MAGI1: variants seen among roughly 807,000 people sequenced by gnomAD.
MAGI1 encodes membrane-associated guanylate kinase, WW and PDZ domain-containing protein 1.
Under a neutral mutation model 139.9 loss-of-function variants are expected in MAGI1, and 58 were observed. That is an observed-to-expected ratio of 0.41 (90% CI 0.34 to 0.52). MAGI1 has a LOEUF of 0.52. Ranked by LOEUF, MAGI1 falls within the 20% of genes least tolerant of loss-of-function variation. The pLI is 0.12. For missense variants in MAGI1, 1,874 were observed against 1,901.6 expected, an observed-to-expected ratio of 0.99 and a Z score of 0.27; for synonymous variants, 812 against 737.9, an observed-to-expected ratio of 1.10 and a Z score of -1.63.
intron 2 of MAGI1, among the ~76,000 whole-genome samples, chr3:65,586,584 T>G (rs1399324677): frequency 6.6e-6 from 1 of 152,108 alleles, no homozygotes; most frequent in East Asian, 1.9e-4. Flanking sequence ...CAAATGTGAT[T>G]TGAATGACAG....
At chr3:65,787,880 T>G (rs2039505043) in intron 1 of MAGI1, among the ~76,000 whole-genome samples, 1 of 152,058 alleles carries the variant, frequency 6.6e-6, no homozygotes, top group African/African-American at 2.4e-5. Flanking sequence ...GTTCAAGAAG[T>G]AAGAGAGAGC....
rs200807086 is a variant in MAGI1, at chr3:65,493,597, A to T, written c.465T>A (p.Pro155=). The T allele has an allele frequency of 3.1e-6, 5 of 1,614,200 alleles. No homozygotes were observed. In the East Asian group the frequency reaches 8.9e-5, roughly 29 times the overall value. The change falls in exon 3 of 23, where the codon CCT becomes CCA. Residue 155 remains proline (P), a synonymous_variant. Coordinates refer to ENST00000402939, the MANE Select transcript of MAGI1 (RefSeq NM_001033057.2). ...CAGTCAGAAAGTTATAGTCCACGCC[A>T]GGCACTTCTCCTTCTCTGGGAGATC... The part of the protein sequence containing the change: ...TTRSPREGEV[P]GVDYNFLTVK...
chr3:65,791,231 T>G lies in MAGI1; in HGVS notation c.314-169143A>C, dbSNP rs2039748373. On this transcript the variant is annotated intron_variant, in intron 1 of 22. Coordinates refer to ENST00000402939, the MANE Select transcript of MAGI1 (RefSeq NM_001033057.2). ...GCCAATGACTGGTGCAGACCCAGCC[T>G]GCGTGGGAAGAACACACACTCTCCT... Among the ~76,000 whole-genome samples the G allele has an allele frequency of 3.3e-5, 5 of 152,160 alleles. No homozygotes were observed. The South Asian group carries it at 8.3e-4, about 25-fold the overall frequency.
chr3:65,631,630 G>A (rs2084308188), intron 1 of MAGI1, among the ~76,000 whole-genome samples: 4 of 152,142 alleles, frequency 2.6e-5, no homozygotes, highest in Admixed American at 2.6e-4. Context: ...CCTCCAGAAA[G>A]ATCATATTAG....
chr3:65,765,243 T>C (rs561663558), intron 1 of MAGI1, among the ~76,000 whole-genome samples: 1 of 152,282 alleles, frequency 6.6e-6, no homozygotes, highest in African/African-American at 2.4e-5. Flanking sequence ...GAATCCTACT[T>C]ATAGGTCTGG....
intron 2 of MAGI1, among the ~76,000 whole-genome samples, chr3:65,518,534 C>T (rs2107790296): frequency 6.6e-6 from 1 of 152,256 alleles, no homozygotes; most frequent in East Asian, 1.9e-4. Context: ...TAGTAGTGAT[C>T]TCAGTGGGAT....
intron 1 of MAGI1, among the ~76,000 whole-genome samples, chr3:65,963,151 T>C (rs1219955824): frequency 1.0e-5 from 1 of 95,648 alleles, no homozygotes; most frequent in Non-Finnish European, 2.1e-5. Flanking sequence ...GCCAACACAG[T>C]GGGGAAAAAA....
intron 12 of MAGI1, among the ~76,000 whole-genome samples, chr3:65,408,296 C>G (rs531118953): frequency 3.0e-4 from 45 of 152,298 alleles, no homozygotes; most frequent in African/African-American, 1.1e-3. Flanking sequence ...GCATTGCTTA[C>G]TTCGCCTTCT....
intron 10 of MAGI1, 62 bp from the exon 11 acceptor site, chr3:65,430,943 G>T: frequency 1.4e-6 from 2 of 1,475,168 alleles, no homozygotes; most frequent in South Asian, 2.3e-5. Context: ...AATTAAACAA[G>T]ATTTGAGACA....
chr3:66,008,087 G>A (rs2067127849), intron 1 of MAGI1, among the ~76,000 whole-genome samples: 1 of 151,922 alleles, frequency 6.6e-6, no homozygotes, highest in Non-Finnish European at 1.5e-5. Flanking sequence ...AGTACAGATG[G>A]GGTTCCACCA....
At chr3:65,488,850 T>C (rs1165956920) in intron 3 of MAGI1, among the ~76,000 whole-genome samples, 1 of 151,522 alleles carries the variant, frequency 6.6e-6, no homozygotes, top group Non-Finnish European at 1.5e-5. Context: ...TTTTGTATTT[T>C]TTTATAGAGA....
At chr3:65,909,182 C>T (rs987574217) in intron 1 of MAGI1, among the ~76,000 whole-genome samples, 4 of 152,098 alleles carry the variant, frequency 2.6e-5, no homozygotes, top group Non-Finnish European at 5.9e-5. Flanking sequence ...CGTACTGACA[C>T]CATCACTGAA....
intron 1 of MAGI1, among the ~76,000 whole-genome samples, chr3:65,765,808 G>A (rs766894450): frequency 1.3e-5 from 2 of 152,088 alleles, no homozygotes; most frequent in Admixed American, 6.6e-5. Context: ...TGCCATTTTC[G>A]GATTTCTCTG....
chr3:65,602,182 T>C (rs961881606), intron 2 of MAGI1, among the ~76,000 whole-genome samples: 1 of 152,206 alleles, frequency 6.6e-6, no homozygotes, highest in Non-Finnish European at 1.5e-5. Flanking sequence ...ATTTATGATA[T>C]GACCAAATGA....
At position 65,923,214 on chromosome 3, in the gene MAGI1, T is replaced by G. The variant is rs189132155; in HGVS notation, c.313+114782A>C. Among the ~76,000 whole-genome samples the G allele has an allele frequency of 2.8e-3, 398 of 144,490 alleles. 2 individuals are homozygous for G. Among genetic ancestry groups the G allele is most frequent in the African/African-American group, 9.5e-3 (366 of 38,326 alleles). 94.8% of individuals were successfully genotyped at this position (144,490 alleles called of 152,430 possible). On this transcript the variant is annotated intron_variant, in intron 1 of 22. Transcript: ENST00000402939. ...CATGCATGCACATGTTAAGCTTGCA[T>G]TCAACAGACATCTTTTTTTTTTTTT...
intron 18 of MAGI1, among the ~76,000 whole-genome samples, chr3:65,372,490 T>G (rs1251916806): frequency 2.6e-5 from 4 of 152,200 alleles, no homozygotes; most frequent in African/African-American, 9.7e-5. Flanking sequence ...ATTTTCAGAA[T>G]AGCCAGATGA....
At chr3:65,655,680 C>T (rs2085834800) in intron 1 of MAGI1, among the ~76,000 whole-genome samples, 1 of 152,298 alleles carries the variant, frequency 6.6e-6, no homozygotes, top group Non-Finnish European at 1.5e-5. Context: ...ACTATCATTA[C>T]CTCAGTCAGA....
At chr3:65,696,919 G>A (rs2089246057) in intron 1 of MAGI1, among the ~76,000 whole-genome samples, 1 of 151,840 alleles carries the variant, frequency 6.6e-6, no homozygotes, top group Non-Finnish European at 1.5e-5. Flanking sequence ...TTCAAAAAAA[G>A]GTAATGAATC....
chr3:66,011,816 A>G (rs2107507234), intron 1 of MAGI1, among the ~76,000 whole-genome samples: 1 of 151,336 alleles, frequency 6.6e-6, no homozygotes, highest in Non-Finnish European at 1.5e-5. Context: ...CTTTCCAGGA[A>G]GCCAGACAAT....
Sources: gnomAD v4.1 joint callset for allele counts (sites outside exome capture counted in the v4.1 genomes callset) on GRCh38, gnomAD v4.1.1 for gene constraint, MANE v1.5 for transcripts, NCBI Gene and HGNC (gene_info 2026-07-23, HGNC 2026-07-21) for gene names.